The following XXYLT1 variants were observed in gnomAD, a reference collection of about 807,000 sequenced individuals.
XXYLT1 encodes the protein UDP-xylose:alpha-xyloside alpha-1,3-xylosyltransferase.
XXYLT1 carries 20 observed loss-of-function variants against 28.9 expected under a neutral mutation model. The ratio of observed to expected loss-of-function variants is 0.69; its 90% CI spans 0.49 to 1.00. The LOEUF (loss-of-function observed/expected upper bound fraction) is 1.00, where lower values mean the gene tolerates loss of function less well. Ranked by LOEUF, XXYLT1 falls within the 50% of genes least tolerant of loss-of-function variation. The probability of loss-of-function intolerance (pLI) is 0.00; values close to 1 mark genes in which losing one functional copy is unlikely to be tolerated. For synonymous variants in XXYLT1, 257 were observed against 253.8 expected, an observed-to-expected ratio of 1.01 and a Z score of -0.12; for missense variants, 542 against 560.1, an observed-to-expected ratio of 0.97 and a Z score of 0.33.
intron 1 of XXYLT1, among the ~76,000 whole-genome samples, chr3:195,258,234 C>G (rs1489707917): frequency 6.6e-6 from 1 of 152,148 alleles, no homozygotes; most frequent in African/African-American, 2.4e-5. Context: ...GCTAGAGACC[C>G]CACTCAGGGG....
chr3:195,252,882 G>A (rs1005354767), intron 1 of XXYLT1, among the ~76,000 whole-genome samples: 32 of 152,248 alleles, frequency 2.1e-4, no homozygotes, highest in African/African-American at 5.3e-4. Flanking sequence ...CAGGGGCGGC[G>A]AGGCGGGGAG....
intron 1 of XXYLT1, among the ~76,000 whole-genome samples, chr3:195,254,782 A>G (rs556049130): frequency 1.3e-5 from 2 of 152,366 alleles, no homozygotes; most frequent in African/African-American, 4.8e-5. Context: ...CGCGTCAAGC[A>G]CAAACAGCTG....
At chr3:195,225,525 G>A (rs1724011378) in intron 2 of XXYLT1, among the ~76,000 whole-genome samples, 1 of 152,150 alleles carries the variant, frequency 6.6e-6, no homozygotes. Context: ...GGGCTACCAG[G>A]ACCTGCCTGG....
In XXYLT1 at chr3:195,098,445, T is replaced by C. The variant is rs967558376; in HGVS notation, c.786-28334A>G. 3.3e-4 allele frequency among the ~76,000 whole-genome samples: 50 copies of C among 152,090 alleles called. 1 individual carries two copies. The highest frequency in any genetic ancestry group is 6.5e-4 in the Non-Finnish European group (44 of 68,010). On this transcript the variant is annotated intron_variant, in intron 3 of 3. Coordinates refer to ENST00000310380, the MANE Select transcript of XXYLT1 (RefSeq NM_152531.5). ...GTGCGCGCCTGTAGTCCCAGCTACT[T>C]GGGAGGCTGAGGCAGGAGAATGGCG...
intron 2 of XXYLT1, among the ~76,000 whole-genome samples, chr3:195,223,303 C>T (rs975655580): frequency 6.6e-5 from 10 of 152,056 alleles, no homozygotes; most frequent in African/African-American, 1.7e-4. Flanking sequence ...GAAGGGAAGG[C>T]GGGAGGAGAG....
At chr3:195,175,694 A>G in intron 2 of XXYLT1, 1 of 1,536,126 alleles carries the variant, frequency 6.5e-7, no homozygotes, top group Non-Finnish European at 8.7e-7. Flanking sequence ...TGGCTGATGG[A>G]CTATGAGCAG....
At chr3:195,233,692 A>G (rs1037669217) in intron 1 of XXYLT1, among the ~76,000 whole-genome samples, 9 of 152,118 alleles carry the variant, frequency 5.9e-5, no homozygotes, top group African/African-American at 1.7e-4. Context: ...TGTTGTTTCT[A>G]TTTACATCTT....
At chr3:195,161,619 T>TA (rs1720874661) in intron 2 of XXYLT1, among the ~76,000 whole-genome samples, 1 of 149,140 alleles carries the variant, frequency 6.7e-6, no homozygotes, top group Non-Finnish European at 1.5e-5. Context: ...CTCTATGAGA[T>TA]ATATAGATAT....
chr3:195,240,173 A>C lies in XXYLT1; in HGVS notation c.505-13317T>G, dbSNP rs1413914686. Among the ~76,000 whole-genome samples the C allele has an allele frequency of 1.3e-5, 2 of 152,248 alleles. No homozygotes were observed. The highest frequency in any genetic ancestry group is 2.9e-5 in the Non-Finnish European group (2 of 68,042). On this transcript the variant is annotated intron_variant, in intron 1 of 3. Transcript: ENST00000310380. The surrounding 1 kb of genome is among the most constrained non-coding windows in gnomAD (Gnocchi z 4.7). ...AACCGAGAAAGTGCTGTGTGATATAAAAGACCTTGGAAAGGCTCAACTCTT... is the reference window on the plus strand; with the variant it reads ...AACCGAGAAAGTGCTGTGTGATATACAAGACCTTGGAAAGGCTCAACTCTT...
chr3:195,233,429 T>G (rs1017329073), intron 1 of XXYLT1, among the ~76,000 whole-genome samples: 3 of 152,234 alleles, frequency 2.0e-5, no homozygotes, highest in African/African-American at 7.2e-5. Context: ...TTCTAGCTGT[T>G]TTCTGGTCTT....
intron 2 of XXYLT1, among the ~76,000 whole-genome samples, chr3:195,166,153 C>G (rs1721109138): frequency 6.6e-6 from 1 of 152,060 alleles, no homozygotes; most frequent in Admixed American, 6.5e-5. Flanking sequence ...ATTTCACCAC[C>G]AAGAAACCCC....
In XXYLT1 at chr3:195,068,583, G is replaced by GCT. The variant is rs1294135681; in HGVS notation, c.*1131_*1132insAG. 7.3e-6 allele frequency: 1 copy of GCT among 137,764 alleles called. No homozygotes were observed. The highest frequency in any genetic ancestry group is 1.6e-5 in the Non-Finnish European group (1 of 64,374). The allele number at this position is 137,764 out of a possible 1,614,324, so 8.5% of individuals were successfully genotyped here. A position where few individuals can be genotyped will look rare whatever the true frequency, so the allele number is the denominator to read the frequency against. On this transcript the variant is annotated 3_prime_UTR_variant, in exon 4 of 4. Transcript: ENST00000310380. ...CTTGGGAATTGCTGGGTTCCTTTTT[G>GCT]GTTTTTTTTTTTTTTTTGAGATGGA...
rs77905649 is a variant in XXYLT1, at chr3:195,256,875, C to T, written c.504+13680G>A. On this transcript the variant is annotated intron_variant, in intron 1 of 3. Coordinates refer to ENST00000310380, the MANE Select transcript of XXYLT1 (RefSeq NM_152531.5). This position sits in a 1 kb window ranked among gnomAD's most constrained non-coding sequence, Gnocchi z 4.2. ...CTTGCCCAGGGCACTGCCTGCCAGC[C>T]GGGGCTCTAGGCAGACCAAGCAACC... Among the ~76,000 whole-genome samples the T allele has an allele frequency of 0.029, 4,458 of 152,252 alleles. 141 individuals carry two copies. The highest frequency in any genetic ancestry group is 0.1 in the East Asian group (526 of 5,160).
intron 3 of XXYLT1, among the ~76,000 whole-genome samples, chr3:195,101,300 C>G (rs1349523968): frequency 6.6e-6 from 1 of 152,232 alleles, no homozygotes; most frequent in Non-Finnish European, 1.5e-5. Flanking sequence ...ACACTGTACC[C>G]CCACTGCCAC....
At chr3:195,122,589 G>A (rs1718420425) in intron 3 of XXYLT1, among the ~76,000 whole-genome samples, 1 of 152,218 alleles carries the variant, frequency 6.6e-6, no homozygotes, top group South Asian at 2.1e-4. Context: ...CCCACAAACA[G>A]GTGAGAAGGG....
intron 3 of XXYLT1, among the ~76,000 whole-genome samples, chr3:195,148,721 T>C (rs989046347): frequency 2.6e-5 from 4 of 152,174 alleles, no homozygotes; most frequent in African/African-American, 9.7e-5. Flanking sequence ...GGCTAGAGGT[T>C]AGTGCTGCCT....
At chr3:195,235,617 T>C (rs1724501916) in intron 1 of XXYLT1, among the ~76,000 whole-genome samples, 1 of 152,196 alleles carries the variant, frequency 6.6e-6, no homozygotes, top group Admixed American at 6.5e-5. Flanking sequence ...TAGGTATTTA[T>C]TGTAGTCTTT....
chr3:195,087,810 G>A (rs1374746665), intron 3 of XXYLT1, among the ~76,000 whole-genome samples: 1 of 152,122 alleles, frequency 6.6e-6, no homozygotes, highest in Non-Finnish European at 1.5e-5. Context: ...AGTGGGCGCA[G>A]GTCAGTGGGT....
chr3:195,102,779 A>G (rs1308918317), intron 3 of XXYLT1, among the ~76,000 whole-genome samples: 1 of 152,126 alleles, frequency 6.6e-6, no homozygotes, highest in Non-Finnish European at 1.5e-5. Flanking sequence ...AGCACGGGAG[A>G]GCAGTTATCT....
Sources: gnomAD v4.1 joint callset for allele counts (sites outside exome capture counted in the v4.1 genomes callset) on GRCh38, gnomAD v4.1.1 for gene constraint, Gnocchi (gnomAD v3.1) non-coding constraint, MANE v1.5 for transcripts, NCBI Gene and HGNC (gene_info 2026-07-23, HGNC 2026-07-21) for gene names.